The following MGAT4C variants were observed in gnomAD, a reference collection of about 807,000 sequenced individuals.
MGAT4C encodes the protein alpha-1,3-mannosyl-glycoprotein 4-beta-N-acetylglucosaminyltransferase C.
A neutral mutation model predicts 40.1 loss-of-function variants in MGAT4C; 19 were observed. The ratio of observed to expected loss-of-function variants is 0.47; its 90% CI spans 0.33 to 0.70. The LOEUF is 0.70. Among genes scored for constraint, MGAT4C ranks in the 30% least tolerant of loss-of-function variants. The pLI is 0.02. For synonymous variants in MGAT4C, 181 were observed against 187.1 expected (o/e 0.97, Z 0.27); for missense variants, 491 against 563.2 (o/e 0.87, Z 1.30).
intron 2 of MGAT4C, among the ~76,000 whole-genome samples, chr12:86,723,826 C>A (rs904599168): frequency 6.6e-6 from 1 of 152,010 alleles, no homozygotes. Context: ...TTTTTCAGTT[C>A]TCTGGAGATT....
At chr12:86,447,065 AG>A (rs1957353079) in intron 2 of MGAT4C, among the ~76,000 whole-genome samples, 1 of 152,110 alleles carries the variant, frequency 6.6e-6, no homozygotes, top group African/African-American at 2.4e-5. Flanking sequence ...ACCCTTCAAC[AG>A]GAACAGTGTC....
At chr12:86,402,533 C>T (rs1250925082) in intron 3 of MGAT4C, among the ~76,000 whole-genome samples, 1 of 152,120 alleles carries the variant, frequency 6.6e-6, no homozygotes, top group Admixed American at 6.6e-5. Context: ...TATGGGGTTT[C>T]ATTGTATACA....
chr12:86,671,039 C>G (rs1212563853), intron 2 of MGAT4C, among the ~76,000 whole-genome samples: 1 of 152,152 alleles, frequency 6.6e-6, no homozygotes, highest in African/African-American at 2.4e-5. Flanking sequence ...TTTCCATTTA[C>G]AAAATATAGT....
intron 2 of MGAT4C, among the ~76,000 whole-genome samples, chr12:86,030,197 A>T (rs1444318467): frequency 6.6e-6 from 1 of 151,804 alleles, no homozygotes; most frequent in African/African-American, 2.4e-5. Flanking sequence ...AAGTGACAGA[A>T]TAAAATTTGT....
intron 2 of MGAT4C, among the ~76,000 whole-genome samples, chr12:86,548,168 A>G (rs995138475): frequency 2.6e-5 from 4 of 152,118 alleles, no homozygotes; most frequent in African/African-American, 9.7e-5. Flanking sequence ...TGTTTATTCC[A>G]GTTGTATACT....
At chr12:86,151,778 A>G (rs992229765) in intron 1 of MGAT4C, among the ~76,000 whole-genome samples, 2 of 152,260 alleles carry the variant, frequency 1.3e-5, no homozygotes, top group East Asian at 1.9e-4. Flanking sequence ...TTCAAAATTG[A>G]GCATGGCTCA....
At chr12:86,795,579 T>C (rs940547361) in intron 1 of MGAT4C, among the ~76,000 whole-genome samples, 1 of 151,494 alleles carries the variant, frequency 6.6e-6, no homozygotes, top group East Asian at 1.9e-4. Context: ...TTTGGAAATA[T>C]AGGACATGAG....
chr12:86,809,422 T>G (rs954548769), intron 1 of MGAT4C, among the ~76,000 whole-genome samples: 1 of 152,034 alleles, frequency 6.6e-6, no homozygotes, highest in Non-Finnish European at 1.5e-5. Context: ...TTAGTTTGTA[T>G]AGTAATTATA....
At chr12:86,354,476 G>A (rs748084731) in intron 3 of MGAT4C, among the ~76,000 whole-genome samples, 19 of 152,074 alleles carry the variant, frequency 1.2e-4, no homozygotes, top group East Asian at 5.8e-4. Flanking sequence ...TTATAAATGC[G>A]TCTCGATGAA....
In MGAT4C at chr12:85,967,310, T is replaced by G. The variant is rs1319202112; in HGVS notation, c.*11979A>C. The G allele has an allele frequency of 1.3e-5, 2 of 152,118 alleles. No individual in the cohort carries two copies. The highest frequency in any genetic ancestry group is 4.8e-5 in the African/African-American group (2 of 41,442). 9.4% of individuals were successfully genotyped at this position (152,118 alleles called of 1,614,324 possible). A position where few individuals can be genotyped will look rare whatever the true frequency, so the allele number is the denominator to read the frequency against. On this transcript the variant is annotated 3_prime_UTR_variant, in exon 5 of 5. Transcript: ENST00000611864. ...GTTTCATTTCATCTCATGAAAAAAATGTTACTTTTTGTATTAATCAGTGGA... is the reference window on the plus strand; with the variant it reads ...GTTTCATTTCATCTCATGAAAAAAAGGTTACTTTTTGTATTAATCAGTGGA...
intron 2 of MGAT4C, among the ~76,000 whole-genome samples, chr12:86,600,569 C>T (rs1268279214): frequency 3.3e-5 from 5 of 152,222 alleles, no homozygotes; most frequent in Non-Finnish European, 1.5e-5. Context: ...TCTCTGGAGA[C>T]TGGGCTCTTA....
chr12:86,312,934 C>G (rs948273733), intron 4 of MGAT4C, among the ~76,000 whole-genome samples: 2 of 151,962 alleles, frequency 1.3e-5, no homozygotes, highest in African/African-American at 4.8e-5. Flanking sequence ...TATTCAAGGT[C>G]TTTAATATAT....
chr12:86,018,181 C>T (rs1456155305), intron 2 of MGAT4C, among the ~76,000 whole-genome samples: 1 of 152,022 alleles, frequency 6.6e-6, no homozygotes, highest in Admixed American at 6.6e-5. Context: ...TTCTGTGGCC[C>T]TAAGTAGAGG....
intron 1 of MGAT4C, among the ~76,000 whole-genome samples, chr12:86,169,088 T>A (rs958507048): frequency 1.3e-5 from 2 of 152,110 alleles, no homozygotes; most frequent in African/African-American, 4.8e-5. Context: ...GTTTTCTCAA[T>A]CTCTTATTAT....
chr12:85,985,276 ACTT>A (rs1885081127), intron 3 of MGAT4C, among the ~76,000 whole-genome samples: 1 of 152,192 alleles, frequency 6.6e-6, no homozygotes, highest in Admixed American at 6.5e-5. Flanking sequence ...AACATTCAAT[ACTT>A]CTACTTCGCA....
chr12:85,963,065 A>G lies in MGAT4C; in HGVS notation c.*16224T>C, dbSNP rs1347855375. The stretch of plus-strand genomic sequence containing the variant: ...TAAATTCACTTAAACAACTATTTAC[A>G]TGCAAAAGTAATATTTTTATTGCCC... On this transcript the variant is annotated 3_prime_UTR_variant, in exon 5 of 5. Transcript: ENST00000611864. 6.6e-6 allele frequency: 1 copy of G among 151,960 alleles called. No individual in the cohort carries two copies. The allele number at this position is 151,960 out of a possible 1,614,324, so 9.4% of individuals were successfully genotyped here.
In MGAT4C at chr12:86,785,016, G is replaced by A. The variant is rs1018160677; in HGVS notation, c.-262+53650C>T. On this transcript the variant is annotated intron_variant, in intron 1 of 7. Transcript: ENST00000548651. ...ATCAATGCATGATATAAACTTGGAA[G>A]AGTGGACATTTGTTAACTGCTAAAA... Among the ~76,000 whole-genome samples the A allele has an allele frequency of 2.6e-5, 4 of 152,094 alleles. No homozygotes were observed. In the South Asian group the frequency reaches 8.3e-4, roughly 32 times the overall value.
At chr12:86,750,807 A>G (rs1010522974) in intron 1 of MGAT4C, among the ~76,000 whole-genome samples, 1 of 151,946 alleles carries the variant, frequency 6.6e-6, no homozygotes, top group East Asian at 1.9e-4. Flanking sequence ...CTAGTCAACA[A>G]TTGTTGAAGG....
chr12:86,699,745 GA>G (rs1003779192), intron 2 of MGAT4C, among the ~76,000 whole-genome samples: 5 of 151,852 alleles, frequency 3.3e-5, no homozygotes, highest in Admixed American at 6.6e-5. Context: ...ATAAGGTAGA[GA>G]AAAAAATGTC....
Sources: allele counts gnomAD v4.1 joint callset (sites outside exome capture counted in the v4.1 genomes callset), GRCh38; gene constraint gnomAD v4.1.1; transcripts MANE v1.5; gene names NCBI Gene and HGNC (gene_info 2026-07-23, HGNC 2026-07-21).